The following CCDC178 variants were observed in gnomAD, a reference collection of about 807,000 sequenced individuals.
The protein encoded by CCDC178 is coiled-coil domain containing 178.
Under a neutral mutation model 117.4 loss-of-function variants are expected in CCDC178, and 126 were observed. The observed-to-expected ratio is 1.07, with a 90% confidence interval of 0.93 to 1.24. The LOEUF (loss-of-function observed/expected upper bound fraction) is 1.24, where lower values mean the gene tolerates loss of function less well. Ranked by LOEUF, CCDC178 falls within the 50% of genes most tolerant of loss-of-function variation. The pLI is 0.00. For synonymous variants in CCDC178, 283 were observed against 313.4 expected (o/e 0.90, Z 1.02); for missense variants, 1,030 against 986.9 (o/e 1.04, Z -0.59).
chr18:33,223,866 G>GATAGC (rs1319424648), intron 17 of CCDC178, among the ~76,000 whole-genome samples: 2 of 152,066 alleles, frequency 1.3e-5, no homozygotes, highest in African/African-American at 4.8e-5. Context: ...GGAGCATGAT[G>GATAGC]ATAGCATTTA....
intron 20 of CCDC178, among the ~76,000 whole-genome samples, chr18:33,196,288 G>C (rs921734223): frequency 1.3e-5 from 2 of 152,128 alleles, no homozygotes; most frequent in South Asian, 2.1e-4. Context: ...GGCTTCCCTG[G>C]TTGGCAATCC....
intron 20 of CCDC178, among the ~76,000 whole-genome samples, chr18:33,199,502 C>T (rs1191427862): frequency 6.6e-6 from 1 of 152,156 alleles, no homozygotes; most frequent in Non-Finnish European, 1.5e-5. Flanking sequence ...TATGGGATTA[C>T]TCAAATCAAG....
intron 11 of CCDC178, among the ~76,000 whole-genome samples, chr18:33,314,132 C>T (rs1216919958): frequency 1.5e-5 from 2 of 129,352 alleles, no homozygotes; most frequent in African/African-American, 2.9e-5. Context: ...ACCCGGGAGG[C>T]GGAGCTTGCA....
chr18:33,235,295 C>T (rs1423015458), intron 15 of CCDC178, among the ~76,000 whole-genome samples: 3 of 152,102 alleles, frequency 2.0e-5, no homozygotes, highest in Admixed American at 1.3e-4. Context: ...CCCCCACCCC[C>T]AGTATGATTA....
chr18:33,010,690 A>C (rs1194079651), intron 21 of CCDC178, among the ~76,000 whole-genome samples: 1 of 152,194 alleles, frequency 6.6e-6, no homozygotes, highest in African/African-American at 2.4e-5. Flanking sequence ...CTTTCATACC[A>C]AAAGGACCAT....
At position 33,264,087 on chromosome 18, in the gene CCDC178, A is replaced by G. The variant is rs1464580183; in HGVS notation, c.1409+2829T>C. ...GCTTTAAATATCTGTGTCAAACAAA[A>G]AAATCATAAAACAATCTAGCAGATT... is the stretch of plus-strand genomic sequence containing the variant. On this transcript the variant is annotated intron_variant, in intron 14 of 22. Transcript: ENST00000383096. 2.0e-5 allele frequency among the ~76,000 whole-genome samples: 3 copies of G among 152,250 alleles called. No homozygotes were observed. In the East Asian group the frequency reaches 5.8e-4, roughly 29 times the overall value.
At chr18:33,242,087 A>G (rs967876440) in intron 15 of CCDC178, among the ~76,000 whole-genome samples, 1 of 151,936 alleles carries the variant, frequency 6.6e-6, no homozygotes, top group African/African-American at 2.4e-5. Context: ...AGTTAAACAG[A>G]ACAGAAAATC....
At chr18:33,104,841 AG>A (rs760563489) in intron 20 of CCDC178, among the ~76,000 whole-genome samples, 20 of 151,782 alleles carry the variant, frequency 1.3e-4, no homozygotes, top group South Asian at 6.2e-4. Flanking sequence ...TGGAAAAGTT[AG>A]TAAGAGGTAT....
intron 2 of CCDC178, among the ~76,000 whole-genome samples, chr18:33,423,997 T>C (rs1364212010): frequency 6.6e-6 from 1 of 152,212 alleles, no homozygotes; most frequent in Non-Finnish European, 1.5e-5. Flanking sequence ...GCTATGCAAT[T>C]AATAATAAAC....
At position 33,223,163 on chromosome 18, in the gene CCDC178, T is replaced by C; in HGVS notation, c.1875A>G (p.Val625=). 6.2e-7 allele frequency: 1 copy of C among 1,608,324 alleles called. No homozygotes were observed. The highest frequency in any genetic ancestry group is 8.5e-7 in the Non-Finnish European group (1 of 1,176,548). ...KDLIRRKVGK[V]KKKLRKKGKK... is the part of the protein sequence containing the mutation. ...TCCCCTTTTTTCGTAATTTTTTCTT[T>C]ACTTTTCCCACCTTTCTTCTAATAA... is the stretch of plus-strand genomic sequence containing the variant. Residue 625 remains valine (V), a synonymous_variant, in exon 18 of 23, where the codon GTA becomes GTG. Coordinates refer to ENST00000383096, the MANE Select transcript of CCDC178 (RefSeq NM_001105528.4).
chr18:33,333,088 T>A, intron 10 of CCDC178, 86 bp downstream of exon 10: 1 of 725,736 alleles, frequency 1.4e-6, no homozygotes, highest in Admixed American at 2.9e-5. Context: ...AAAAAACCTT[T>A]AAAGCTGTGT....
At chr18:33,086,074 C>G (rs937360183) in intron 21 of CCDC178, among the ~76,000 whole-genome samples, 2 of 151,610 alleles carry the variant, frequency 1.3e-5, no homozygotes, top group Non-Finnish European at 2.9e-5. Flanking sequence ...AGAAAATATA[C>G]CTATCATAAA....
intron 6 of CCDC178, among the ~76,000 whole-genome samples, chr18:33,360,358 T>A (rs1287133152): frequency 6.6e-6 from 1 of 151,208 alleles, no homozygotes; most frequent in Non-Finnish European, 1.5e-5. Flanking sequence ...CAAATGACTA[T>A]CAACAGATGG....
intron 6 of CCDC178, among the ~76,000 whole-genome samples, chr18:33,362,748 G>A (rs1268034594): frequency 6.6e-6 from 1 of 151,926 alleles, no homozygotes; most frequent in African/African-American, 2.4e-5. Context: ...ATTGGTAGTT[G>A]CAAGACTTGG....
chr18:33,075,475 C>T (rs952318736), intron 21 of CCDC178, among the ~76,000 whole-genome samples: 16 of 152,054 alleles, frequency 1.1e-4, no homozygotes, highest in Admixed American at 9.2e-4. Flanking sequence ...CAATTCTCTA[C>T]AATGTGATTA....
At chr18:33,358,378 T>TA (rs1189285156) in intron 6 of CCDC178, among the ~76,000 whole-genome samples, 5 of 151,998 alleles carry the variant, frequency 3.3e-5, no homozygotes, top group Admixed American at 2.0e-4. Flanking sequence ...AGAAGTACCA[T>TA]ATGAGATATC....
intron 21 of CCDC178, among the ~76,000 whole-genome samples, chr18:32,980,912 T>A (rs2055142241): frequency 1.3e-5 from 2 of 152,202 alleles, no homozygotes; most frequent in African/African-American, 4.8e-5. Context: ...AGTTGTACTT[T>A]CCCTTTGATC....
chr18:32,964,319 C>A (rs2054766873), intron 22 of CCDC178, among the ~76,000 whole-genome samples: 1 of 151,836 alleles, frequency 6.6e-6, no homozygotes, highest in Non-Finnish European at 1.5e-5. Context: ...ATGTTAAAGG[C>A]TGAGGCAGGA....
intron 3 of CCDC178, among the ~76,000 whole-genome samples, chr18:33,405,252 TGTTA>T (rs1326578687): frequency 1.3e-5 from 2 of 151,726 alleles, no homozygotes; most frequent in African/African-American, 4.8e-5. Flanking sequence ...CAAAAATGTA[TGTTA>T]TTTATATAAT....
Sources: allele counts gnomAD v4.1 joint callset (sites outside exome capture counted in the v4.1 genomes callset), GRCh38; gene constraint gnomAD v4.1.1; transcripts MANE v1.5; gene names NCBI Gene and HGNC (gene_info 2026-07-23, HGNC 2026-07-21).